AGBL1: variants seen among roughly 807,000 people sequenced by gnomAD.
AGBL1 encodes the protein AGBL carboxypeptidase 1.
A neutral mutation model predicts 118.9 loss-of-function variants in AGBL1; 130 were observed. The observed-to-expected ratio is 1.09, with a 90% CI of 0.95 to 1.26. The LOEUF (loss-of-function observed/expected upper bound fraction) is 1.26, where lower values mean the gene tolerates loss of function less well. AGBL1 is among the 50% of genes most tolerant of loss of function. The pLI is 0.00. For missense variants in AGBL1, 1,584 were observed against 1,298.1 expected (o/e 1.22, Z -3.38); for synonymous variants, 555 against 478.9 (o/e 1.16, Z -2.08).
Position 86,671,633 on chromosome 15 carries a change from A to G in AGBL1, c.2995-2640A>G, listed in dbSNP as rs147873506. 1.7e-3 allele frequency among the ~76,000 whole-genome samples: 258 copies of G among 152,338 alleles called. 4 individuals are homozygous for G. The East Asian group carries it at 0.021, about 12-fold the overall frequency. On this transcript the variant is annotated intron_variant, in intron 21 of 22. Transcript: ENST00000614907. The stretch of plus-strand genomic sequence containing the variant: ...TCCCAGTTTATATCCAGAGATATGA[A>G]TAAGTCTCCTGGAGCCAAAATAAAA...
intron 23 of AGBL1, among the ~76,000 whole-genome samples, chr15:86,984,910 C>T (rs2701402): frequency 0.81 from 123,945 of 152,120 alleles, 51,101 homozygotes; most frequent in South Asian, 0.94. Flanking sequence ...TGGCTGGTCA[C>T]AGACAACCGA....
chr15:86,446,070 A>T (rs1397275231), intron 18 of AGBL1, among the ~76,000 whole-genome samples: 1 of 152,162 alleles, frequency 6.6e-6, no homozygotes, highest in Non-Finnish European at 1.5e-5. Context: ...AATGGAAAGG[A>T]AGCAAGACTA....
At chr15:86,791,434 A>T (rs958498612) in intron 22 of AGBL1, among the ~76,000 whole-genome samples, 1 of 152,136 alleles carries the variant, frequency 6.6e-6, no homozygotes, top group African/African-American at 2.4e-5. Context: ...CCTCACCCAT[A>T]GCAGGTGCTC....
At chr15:86,221,953 T>C (rs146827586) in intron 5 of AGBL1, among the ~76,000 whole-genome samples, 2 of 152,308 alleles carry the variant, frequency 1.3e-5, no homozygotes, top group East Asian at 1.9e-4. Flanking sequence ...CAATGCACTA[T>C]TGGGTCAAAA....
At chr15:86,189,010 T>C (rs577730377) in intron 5 of AGBL1, among the ~76,000 whole-genome samples, 1 of 152,318 alleles carries the variant, frequency 6.6e-6, no homozygotes, top group Admixed American at 6.5e-5. Flanking sequence ...GTGACAATTA[T>C]ATGGAAAAAA....
chr15:86,903,830 T>C (rs893112755), intron 22 of AGBL1, among the ~76,000 whole-genome samples: 5 of 152,176 alleles, frequency 3.3e-5, no homozygotes, highest in Non-Finnish European at 7.3e-5. Flanking sequence ...GAAGCAGCAG[T>C]TCCTCCTTAC....
At chr15:86,392,760 C>G (rs1443956373) in intron 17 of AGBL1, among the ~76,000 whole-genome samples, 1 of 152,082 alleles carries the variant, frequency 6.6e-6, no homozygotes, top group African/African-American at 2.4e-5. Flanking sequence ...CAATATATAG[C>G]TTTAAGAATA....
chr15:86,827,937 G>GATTTTTTTTTTTTTTTTT (rs71460225), intron 22 of AGBL1, among the ~76,000 whole-genome samples: 1 of 7,802 alleles, frequency 1.3e-4, no homozygotes, highest in Non-Finnish European at 2.2e-4. Context: ...TTGATGTAGG[G>GATTTTTTTTTTTTTTTTT]CTTTTTTTTT....
intron 21 of AGBL1, among the ~76,000 whole-genome samples, chr15:86,565,309 G>C (rs1170862036): frequency 6.6e-6 from 1 of 152,154 alleles, no homozygotes; most frequent in Non-Finnish European, 1.5e-5. Context: ...ATGGGGTTTT[G>C]GTGTGGATAT....
intron 17 of AGBL1, among the ~76,000 whole-genome samples, chr15:86,337,177 G>A (rs2080383911): frequency 6.6e-6 from 1 of 152,272 alleles, no homozygotes; most frequent in South Asian, 2.1e-4. Context: ...AATTACACTA[G>A]TACACTTTTT....
intron 21 of AGBL1, among the ~76,000 whole-genome samples, chr15:86,595,219 C>T (rs2084389152): frequency 6.6e-6 from 1 of 152,154 alleles, no homozygotes; most frequent in African/African-American, 2.4e-5. Flanking sequence ...TAAAGTGTCA[C>T]CTCTATCTTG....
chr15:86,230,239 G>A lies in AGBL1; in HGVS notation c.526+5288G>A, dbSNP rs536670739. 1.9e-4 allele frequency among the ~76,000 whole-genome samples: 29 copies of A among 152,258 alleles called. No homozygotes were observed. The East Asian group carries it at 2.1e-3, about 11-fold the overall frequency. ...AGACAGCCTCATAGTCTCAGGAGTC[G>A]TCTGCTGTGACCTGGCAATCAGCAA... On this transcript the variant is annotated intron_variant, in intron 6 of 22. Transcript: ENST00000614907.
chr15:86,635,681 C>G (rs1052303541), intron 21 of AGBL1, among the ~76,000 whole-genome samples: 11 of 151,856 alleles, frequency 7.2e-5, no homozygotes, highest in African/African-American at 2.4e-4. Context: ...TCGGGAGTTC[C>G]TCTATAAGAA....
intron 22 of AGBL1, among the ~76,000 whole-genome samples, chr15:86,719,416 T>TAAAAAG (rs1193309199): frequency 3.3e-5 from 5 of 152,054 alleles, no homozygotes; most frequent in Non-Finnish European, 5.9e-5. Flanking sequence ...TCCACTAATC[T>TAAAAAG]AAAAAGAAAA....
intron 22 of AGBL1, among the ~76,000 whole-genome samples, chr15:86,893,261 C>T (rs1012654958): frequency 6.6e-6 from 1 of 152,174 alleles, no homozygotes; most frequent in Non-Finnish European, 1.5e-5. Context: ...TCGCCTCTTG[C>T]TTCTCAGTAG....
At chr15:86,512,655 A>G (rs1175065747) in intron 18 of AGBL1, among the ~76,000 whole-genome samples, 1 of 151,756 alleles carries the variant, frequency 6.6e-6, no homozygotes, top group Non-Finnish European at 1.5e-5. Flanking sequence ...TTCAGAAACT[A>G]CTATTATTCA....
chr15:86,515,060 T>C (rs1052280789), intron 18 of AGBL1, among the ~76,000 whole-genome samples: 2 of 152,318 alleles, frequency 1.3e-5, no homozygotes, highest in African/African-American at 2.4e-5. Context: ...TATGCTAATA[T>C]TGTATCCTGC....
chr15:86,437,509 T>C (rs1289701405), intron 18 of AGBL1, among the ~76,000 whole-genome samples: 1 of 152,186 alleles, frequency 6.6e-6, no homozygotes, highest in Non-Finnish European at 1.5e-5. Context: ...AACTACCTTA[T>C]CCTGAACCTT....
At chr15:86,490,192 A>T (rs147951063) in intron 18 of AGBL1, among the ~76,000 whole-genome samples, 1 of 152,030 alleles carries the variant, frequency 6.6e-6, no homozygotes, top group Non-Finnish European at 1.5e-5. Flanking sequence ...GTTACTCCAG[A>T]TGCAGCTCTG....
Sources: allele counts gnomAD v4.1 joint callset (sites outside exome capture counted in the v4.1 genomes callset), GRCh38; gene constraint gnomAD v4.1.1; transcripts MANE v1.5; gene names NCBI Gene and HGNC (gene_info 2026-07-23, HGNC 2026-07-21).